UTRN: variants seen among roughly 807,000 people sequenced by gnomAD.
UTRN encodes the protein dystrophin-related protein 1.
UTRN carries 283 observed loss-of-function variants against 463.9 expected under a neutral mutation model. That is an observed-to-expected ratio of 0.61 (90% CI 0.55 to 0.67). UTRN has a LOEUF of 0.67. Ranked by LOEUF, UTRN falls within the 30% of genes least tolerant of loss-of-function variation. The pLI is 0.00. For missense variants in UTRN, 3,922 were observed against 4,084.3 expected, an observed-to-expected ratio of 0.96 and a Z score of 1.08; for synonymous variants, 1,442 against 1,431.5, an observed-to-expected ratio of 1.01 and a Z score of -0.17.
At chr6:144,336,736 T>C (rs1006276484) in intron 2 of UTRN, among the ~76,000 whole-genome samples, 1 of 151,956 alleles carries the variant, frequency 6.6e-6, no homozygotes, top group African/African-American at 2.4e-5. Context: ...TTTAAAGTAA[T>C]ATTTTAAAAT....
intron 60 of UTRN, 54 bp from the exon 61 acceptor site, chr6:144,781,868 T>G: frequency 1.6e-6 from 2 of 1,287,114 alleles, no homozygotes; most frequent in Non-Finnish European, 2.2e-6. Flanking sequence ...GATGTTGTTA[T>G]GTAATGTAAT....
At position 144,516,903 on chromosome 6, in the gene UTRN, C is replaced by A; in HGVS notation, c.5496C>A (p.Ile1832=). The change falls in exon 39 of 75, where the codon ATC becomes ATA. Residue 1832 remains isoleucine, a synonymous_variant. Coordinates refer to ENST00000367545, the MANE Select transcript of UTRN (RefSeq NM_007124.3). The part of the protein sequence containing the change: ...QPMEDNKKEK[I]RLQLLLLHTR... Reference sequence around the variant, plus strand: ...TGGAAGATAATAAAAAAGAAAAGATCCGTTTGCAATTATTACTTTTGCATA... The same window carrying A: ...TGGAAGATAATAAAAAAGAAAAGATACGTTTGCAATTATTACTTTTGCATA... 1.3e-6 allele frequency: 2 copies of A among 1,501,578 alleles called. No individual in the cohort carries two copies. Among genetic ancestry groups the A allele is most frequent in the Non-Finnish European group, 1.8e-6 (2 of 1,127,876 alleles). The allele number at this position is 1,501,578 out of a possible 1,614,324, so 93.0% of individuals were successfully genotyped here.
chr6:144,523,334 G>T, intron 41 of UTRN, 146 bp downstream of exon 41: 1 of 646,822 alleles, frequency 1.5e-6, no homozygotes. Flanking sequence ...TTTTAAGAAG[G>T]AGTCTTGCTC....
intron 66 of UTRN, 99 bp downstream of exon 66, chr6:144,821,117 C>T: frequency 7.4e-7 from 1 of 1,353,016 alleles, no homozygotes; most frequent in Non-Finnish European, 9.9e-7. Flanking sequence ...ATACCAACTG[C>T]ATTTTAGAGG....
In UTRN at chr6:144,732,227, T is replaced by TATAC. The variant is rs1439606904; in HGVS notation, c.7939+1744_7939+1745insCATA. ...GAGTACTCTGTTTTATATATATATA[T>TATAC]ATATATATATACATATATATATATA... On this transcript the variant is annotated intron_variant, in intron 54 of 74. Transcript: ENST00000367545. Among the ~76,000 whole-genome samples, 143 of 45,936 alleles carry TATAC rather than the reference T, an allele frequency of 3.1e-3. 1 individual carries two copies. The highest frequency in any genetic ancestry group is 0.012 in the African/African-American group (134 of 10,792). 30.1% of individuals were successfully genotyped at this position (45,936 alleles called of 152,430 possible).
rs145173132 is a variant in UTRN, at chr6:144,599,393, G to A, written c.7479+22105G>A. Among the ~76,000 whole-genome samples, 574 of 152,196 alleles carry A rather than the reference G, an allele frequency of 3.8e-3. 3 individuals carry two copies. The highest frequency in any genetic ancestry group is 4.1e-3 in the Non-Finnish European group (276 of 67,996). ...GTGAGGGACACACTGGGTTGGAGGC[G>A]GGAGGTTATTATTCTGGACATACCT... On this transcript the variant is annotated intron_variant, in intron 51 of 74. Transcript: ENST00000367545.
intron 53 of UTRN, among the ~76,000 whole-genome samples, chr6:144,724,767 A>T (rs554754874): frequency 1.3e-5 from 2 of 152,278 alleles, no homozygotes; most frequent in East Asian, 3.9e-4. Flanking sequence ...TCAGTATTTC[A>T]TTCATTTTTA....
chr6:144,462,947 T>C (rs1789571683), intron 23 of UTRN, 81 bp downstream of exon 23: 2 of 1,130,020 alleles, frequency 1.8e-6, no homozygotes, highest in Non-Finnish European at 2.5e-6. Flanking sequence ...TATTTATTAT[T>C]TAAATATTTT....
At chr6:144,588,611 G>C (rs4896728) in intron 51 of UTRN, among the ~76,000 whole-genome samples, 1 of 152,126 alleles carries the variant, frequency 6.6e-6, no homozygotes, top group African/African-American at 2.4e-5. Flanking sequence ...TATTTGTAGA[G>C]TATTATTTGA....
At chr6:144,617,463 T>C (rs1806253309) in intron 51 of UTRN, among the ~76,000 whole-genome samples, 1 of 152,230 alleles carries the variant, frequency 6.6e-6, no homozygotes, top group African/African-American at 2.4e-5. Flanking sequence ...AAATTCCTCT[T>C]GGCAGCTTCA....
At chr6:144,719,717 A>G (rs1786900615) in intron 53 of UTRN, among the ~76,000 whole-genome samples, 1 of 152,236 alleles carries the variant, frequency 6.6e-6, no homozygotes, top group Non-Finnish European at 1.5e-5. Context: ...AGGAGATGAC[A>G]TCAGACAGCA....
At chr6:144,739,720 C>T (rs1393530703) in intron 54 of UTRN, among the ~76,000 whole-genome samples, 4 of 152,132 alleles carry the variant, frequency 2.6e-5, no homozygotes, top group Non-Finnish European at 5.9e-5. Context: ...TACAGGTTTT[C>T]ATTTTCTTAG....
At chr6:144,824,922 A>G (rs933890511) in intron 66 of UTRN, among the ~76,000 whole-genome samples, 1 of 151,902 alleles carries the variant, frequency 6.6e-6, no homozygotes, top group East Asian at 1.9e-4. Flanking sequence ...AGCTGGGACT[A>G]TAGGCATCAT....
chr6:144,726,233 T>C (rs1000240442), intron 53 of UTRN, among the ~76,000 whole-genome samples: 3 of 152,160 alleles, frequency 2.0e-5, no homozygotes, highest in African/African-American at 7.2e-5. Context: ...TCTCAGTGCA[T>C]AGGAAGCAGT....
chr6:144,409,717 G>A (rs1299683786), intron 3 of UTRN, among the ~76,000 whole-genome samples: 1 of 152,126 alleles, frequency 6.6e-6, no homozygotes, highest in Non-Finnish European at 1.5e-5. Flanking sequence ...AGCTGCAATT[G>A]CCACAGGTAA....
intron 51 of UTRN, among the ~76,000 whole-genome samples, chr6:144,640,625 G>A (rs1777671759): frequency 6.6e-6 from 1 of 152,054 alleles, no homozygotes; most frequent in Non-Finnish European, 1.5e-5. Context: ...GTTTATGTTT[G>A]TTTATTCAAA....
At chr6:144,711,518 C>T (rs1460694976) in intron 53 of UTRN, among the ~76,000 whole-genome samples, 1 of 152,158 alleles carries the variant, frequency 6.6e-6, no homozygotes, top group Non-Finnish European at 1.5e-5. Flanking sequence ...ACCTATAATG[C>T]ACCTACAATG....
chr6:144,851,110 T>A lies in UTRN; in HGVS notation c.*113T>A, dbSNP rs1782455468. ...CTCCATGGCTCCTTGGCCCACGATG[T>A]TGAGTGCTGACTGTGTGTTCTACTG... On this transcript the variant is annotated 3_prime_UTR_variant, in exon 75 of 75. Coordinates refer to ENST00000367545, the MANE Select transcript of UTRN (RefSeq NM_007124.3). 3.7e-6 allele frequency: 5 copies of A among 1,355,994 alleles called. No homozygotes were observed. The highest frequency in any genetic ancestry group is 5.3e-6 in the Non-Finnish European group (5 of 945,166). 84.0% of individuals were successfully genotyped at this position (1,355,994 alleles called of 1,614,324 possible).
At chr6:144,622,204 T>TTTTTC (rs1775486426) in intron 51 of UTRN, among the ~76,000 whole-genome samples, 1 of 141,204 alleles carries the variant, frequency 7.1e-6, no homozygotes, top group East Asian at 2.0e-4. Flanking sequence ...TTTTTTTTTT[T>TTTTTC]TGGAGACGGA....
Sources: gnomAD v4.1 joint callset for allele counts (sites outside exome capture counted in the v4.1 genomes callset) on GRCh38, gnomAD v4.1.1 for gene constraint, MANE v1.5 for transcripts, NCBI Gene and HGNC (gene_info 2026-07-23, HGNC 2026-07-21) for gene names.